The following PCED1B variants were observed in gnomAD, a reference collection of about 807,000 sequenced individuals.
The protein encoded by PCED1B is PC-esterase domain containing 1B.
For missense variants in PCED1B, 573 were observed against 573.9 expected, an observed-to-expected ratio of 1.00 and a Z score of 0.02; for synonymous variants, 251 against 246.1, an observed-to-expected ratio of 1.02 and a Z score of -0.19.
chr12:47,133,143 T>TG (rs1371287775), intron 2 of PCED1B, among the ~76,000 whole-genome samples: 1 of 152,230 alleles, frequency 6.6e-6, no homozygotes, highest in Non-Finnish European at 1.5e-5. Flanking sequence ...CATTATTTCC[T>TG]GACCCTTTAT....
chr12:47,178,686 G>A (rs1331767498), intron 2 of PCED1B, among the ~76,000 whole-genome samples: 1 of 151,964 alleles, frequency 6.6e-6, no homozygotes, highest in Non-Finnish European at 1.5e-5. Flanking sequence ...GACCAACATG[G>A]TGAAACCCTG....
intron 2 of PCED1B, among the ~76,000 whole-genome samples, chr12:47,199,346 A>G (rs139804130): frequency 0.012 from 1,838 of 152,310 alleles, 9 homozygotes; most frequent in Middle Eastern, 0.027. Context: ...ATTCAACACA[A>G]TCCACATTCA....
At chr12:47,145,169 A>G (rs1029373570) in intron 2 of PCED1B, among the ~76,000 whole-genome samples, 10 of 152,230 alleles carry the variant, frequency 6.6e-5, no homozygotes, top group African/African-American at 2.4e-4. Context: ...GATCAAACCA[A>G]CCACAGCATT....
intron 2 of PCED1B, among the ~76,000 whole-genome samples, chr12:47,104,480 T>C (rs1266872422): frequency 6.6e-6 from 1 of 152,224 alleles, no homozygotes; most frequent in Non-Finnish European, 1.5e-5. Context: ...AGCTCTGTAA[T>C]GTGTTAATTA....
At chr12:47,231,469 A>G (rs1040747272) in intron 3 of PCED1B, among the ~76,000 whole-genome samples, 5 of 152,132 alleles carry the variant, frequency 3.3e-5, no homozygotes, top group Non-Finnish European at 7.3e-5. Context: ...CCATTGCAGC[A>G]TCACTTCTTA....
At chr12:47,145,329 A>G (rs974428321) in intron 2 of PCED1B, among the ~76,000 whole-genome samples, 4 of 152,240 alleles carry the variant, frequency 2.6e-5, no homozygotes, top group African/African-American at 9.6e-5. Flanking sequence ...TTTCCATTAC[A>G]TAAAAGTGCA....
chr12:47,203,583 C>CATTA (rs1390960363), intron 2 of PCED1B, among the ~76,000 whole-genome samples: 2 of 152,192 alleles, frequency 1.3e-5, no homozygotes, highest in Non-Finnish European at 2.9e-5. Flanking sequence ...TCTGTTCCTG[C>CATTA]ATTAGTTTGC....
At chr12:47,165,161 C>T (rs1289872596) in intron 2 of PCED1B, among the ~76,000 whole-genome samples, 1 of 152,176 alleles carries the variant, frequency 6.6e-6, no homozygotes, top group Non-Finnish European at 1.5e-5. Context: ...TCTTCTAAGT[C>T]CAAACTGTGG....
chr12:47,134,832 C>A (rs1326259382), intron 2 of PCED1B, among the ~76,000 whole-genome samples: 2 of 152,220 alleles, frequency 1.3e-5, no homozygotes, highest in Non-Finnish European at 2.9e-5. Context: ...TGTGCCACTG[C>A]ACTACAGCCT....
At chr12:47,202,949 A>G (rs1316721260) in intron 2 of PCED1B, among the ~76,000 whole-genome samples, 1 of 151,394 alleles carries the variant, frequency 6.6e-6, no homozygotes, top group Non-Finnish European at 1.5e-5. Context: ...TCTTTATGGT[A>G]AAGAATTACT....
At chr12:47,145,548 G>T (rs1940753590) in intron 2 of PCED1B, among the ~76,000 whole-genome samples, 2 of 152,140 alleles carry the variant, frequency 1.3e-5, no homozygotes, top group East Asian at 1.9e-4. Flanking sequence ...GTCTTTTTAG[G>T]TACCGATGCA....
At chr12:47,156,714 G>A (rs1471836775) in intron 2 of PCED1B, among the ~76,000 whole-genome samples, 2 of 151,990 alleles carry the variant, frequency 1.3e-5, no homozygotes, top group African/African-American at 2.4e-5. Flanking sequence ...CACACATTCT[G>A]AGTGCTCCGA....
At chr12:47,128,290 T>C (rs1592174313) in intron 2 of PCED1B, among the ~76,000 whole-genome samples, 1 of 152,168 alleles carries the variant, frequency 6.6e-6, no homozygotes, top group African/African-American at 2.4e-5. Flanking sequence ...ACTAGGAACT[T>C]AAATACATAC....
intron 2 of PCED1B, among the ~76,000 whole-genome samples, chr12:47,191,132 A>G (rs1942426753): frequency 1.3e-5 from 2 of 152,236 alleles, no homozygotes. Context: ...AGGAAGAAGT[A>G]AAATGAACAT....
rs371757661 is a variant in PCED1B at position 47,190,158 on chromosome 12, G to A, written c.-525-26064G>A. The stretch of plus-strand genomic sequence containing the variant: ...GAAATGCTTTCACATGCATTAGTTC[G>A]TGTAATCCTGAGTTGGAATAATCAG... On this transcript the variant is annotated intron_variant, in intron 2 of 3. Coordinates refer to ENST00000546455, the MANE Select transcript of PCED1B (RefSeq NM_138371.3). Among the ~76,000 whole-genome samples, 44 of 152,320 alleles carry A rather than the reference G, an allele frequency of 2.9e-4. No individual in the cohort carries two copies. The East Asian group carries it at 5.4e-3, about 19-fold the overall frequency.
chr12:47,214,314 A>T (rs1943181126), intron 2 of PCED1B, among the ~76,000 whole-genome samples: 1 of 152,234 alleles, frequency 6.6e-6, no homozygotes, highest in Admixed American at 6.5e-5. Context: ...ATGTCACATT[A>T]TAATCCAGTT....
At chr12:47,201,146 G>A (rs1037121220) in intron 2 of PCED1B, among the ~76,000 whole-genome samples, 3 of 152,100 alleles carry the variant, frequency 2.0e-5, no homozygotes, top group African/African-American at 4.8e-5. Context: ...AAAAGGGGAG[G>A]GGGGGAGTCT....
intron 1 of PCED1B, among the ~76,000 whole-genome samples, chr12:47,092,476 T>G (rs1938308587): frequency 6.6e-6 from 1 of 152,022 alleles, no homozygotes; most frequent in Non-Finnish European, 1.5e-5. Flanking sequence ...AAATGACAAT[T>G]TTATTTCTTG....
chr12:47,194,957 G>C (rs1299630226), intron 2 of PCED1B, among the ~76,000 whole-genome samples: 1 of 151,790 alleles, frequency 6.6e-6, no homozygotes, highest in Non-Finnish European at 1.5e-5. Flanking sequence ...TATTTAACTT[G>C]TTAAATGAAG....
Sources: allele counts gnomAD v4.1 joint callset (sites outside exome capture counted in the v4.1 genomes callset), GRCh38; gene constraint gnomAD v4.1.1; transcripts MANE v1.5; gene names NCBI Gene and HGNC (gene_info 2026-07-23, HGNC 2026-07-21).